PHF1: variants seen among roughly 807,000 people sequenced by gnomAD.
PHF1 encodes the protein PHD finger protein 1.
PHF1 carries 16 observed loss-of-function variants against 69.4 expected under a neutral mutation model. That is an observed-to-expected ratio of 0.23 (90% CI 0.16 to 0.35). The LOEUF (loss-of-function observed/expected upper bound fraction) is 0.35, where lower values mean the gene tolerates loss of function less well. Ranked by LOEUF, PHF1 falls within the 10% of genes least tolerant of loss-of-function variation. PHF1 has a pLI of 1.00. For missense variants in PHF1, 515 were observed against 732.8 expected (o/e 0.70, Z 3.43); for synonymous variants, 274 against 275.0 (o/e 1.00, Z 0.04).
rs530537499 is a variant in PHF1, at chr6:33,415,635, C to T, written c.1380C>T (p.Thr460=). 105 of 1,613,906 alleles carry T rather than the reference C, an allele frequency of 6.5e-5. No homozygotes were observed. Among genetic ancestry groups the T allele is most frequent in the South Asian group, 1.8e-4 (16 of 91,076 alleles). The change falls in exon 14 of 15, where the codon ACC becomes ACT. Residue 460 remains threonine, a synonymous_variant. Transcript: ENST00000374516. ...MFASFHPSAS[T]AGTSGDSGPP... ...CTTCCTTCCACCCTTCTGCCAGCAC[C>T]GCAGGGACCTCTGGGGACAGTGGAC...
Position 33,412,988 on chromosome 6 carries a change from G to A in PHF1, c.337+195G>A, listed in dbSNP as rs900503602. 4 of 677,974 alleles carry A rather than the reference G, an allele frequency of 5.9e-6. No individual in the cohort carries two copies. The highest frequency in any genetic ancestry group is 1.0e-5 in the Non-Finnish European group (4 of 388,544). 42.0% of individuals were successfully genotyped at this position (677,974 alleles called of 1,614,324 possible). A position where few individuals can be genotyped will look rare whatever the true frequency, so the allele number is the denominator to read the frequency against. ...GGTATAACCTTTGCAGGCAGAAGATGGTTTAAATGCATCCTTTTCTAACCA... is the reference window on the plus strand; with the variant it reads ...GGTATAACCTTTGCAGGCAGAAGATAGTTTAAATGCATCCTTTTCTAACCA... On this transcript the variant is annotated intron_variant, in intron 4 of 14. Coordinates refer to ENST00000374516, the MANE Select transcript of PHF1 (RefSeq NM_024165.3). The surrounding 1 kb of genome is among the most constrained non-coding windows in gnomAD (Gnocchi z 4.2).
At chr6:33,415,458 G>C in intron 13 of PHF1, 129 bp downstream of exon 13, 2 of 1,230,736 alleles carry the variant, frequency 1.6e-6, no homozygotes, top group Non-Finnish European at 2.4e-6. Flanking sequence ...CCGACTTCTA[G>C]AACTAGTGTC....
At position 33,415,018 on chromosome 6, in the gene PHF1, G is replaced by C; in HGVS notation, c.1113G>C (p.Pro371=). The C allele has an allele frequency of 6.4e-7, 1 of 1,574,138 alleles. No individual in the cohort carries two copies. The highest frequency in any genetic ancestry group is 8.6e-7 in the Non-Finnish European group (1 of 1,160,164). The part of the protein sequence containing the change: ...VSRPLGKRRR[P]EPEPLRRRQK... ...GTCCCCTGGGGAAGCGCCGGAGGCC[G>C]GAGCCAGAGCCCCTGAGGAGGAGGC... Residue 371 remains proline, a synonymous_variant, in exon 12 of 15, where the codon CCG becomes CCC. Transcript: ENST00000374516.
At chr6:33,413,596 T>A (rs371196414) in intron 6 of PHF1, 39 bp downstream of exon 6, 2 of 1,612,954 alleles carry the variant, frequency 1.2e-6, no homozygotes, top group Non-Finnish European at 1.7e-6. Context: ...GAATGAATGA[T>A]GTGGTGGTGG....
At chr6:33,413,047 G>T in intron 4 of PHF1, 149 bp from the exon 5 acceptor site, 2 of 791,614 alleles carry the variant, frequency 2.5e-6, no homozygotes, top group Non-Finnish European at 4.3e-6. Context: ...ACCTCTAGGA[G>T]CCTCAGTTCC....
Position 33,412,945 on chromosome 6 carries a change from G to A in PHF1, c.337+152G>A, listed in dbSNP as rs527370030. The A allele has an allele frequency of 9.6e-6, 7 of 730,106 alleles. No individual in the cohort carries two copies. Among genetic ancestry groups the A allele is most frequent in the African/African-American group, 5.3e-5 (3 of 56,940 alleles). 45.2% of individuals were successfully genotyped at this position (730,106 alleles called of 1,614,324 possible). ...TCATCCGCTTTCAGCCCAGGGAGAA[G>A]CAGCCATGGAAAGGGGTGGTATAAC... On this transcript the variant is annotated intron_variant, in intron 4 of 14. Transcript: ENST00000374516. The surrounding 1 kb of genome is among the most constrained non-coding windows in gnomAD (Gnocchi z 4.2).
chr6:33,415,644 C>A lies in PHF1; in HGVS notation c.1389C>A (p.Thr463=). The change falls in exon 14 of 15, where the codon ACC becomes ACA. Residue 463 remains threonine (T), a synonymous_variant. Transcript: ENST00000374516. ...ACCCTTCTGCCAGCACCGCAGGGACCTCTGGGGACAGTGGACCCCCAGACA... is the reference window on the plus strand; with the variant it reads ...ACCCTTCTGCCAGCACCGCAGGGACATCTGGGGACAGTGGACCCCCAGACA... The part of the protein sequence containing the change: ...SFHPSASTAG[T]SGDSGPPDRS... The A allele has an allele frequency of 6.2e-7, 1 of 1,614,048 alleles. No homozygotes were observed. Among genetic ancestry groups the A allele is most frequent in the Non-Finnish European group, 8.5e-7 (1 of 1,179,956 alleles).
Position 33,412,334 on chromosome 6 carries a change from C to A in PHF1, c.71C>A (p.Thr24Asn). ...SLWDPASPAP[T>N]SGPRPRLWEG... Reference sequence around the variant, plus strand: ...TGGGACCCAGCTTCTCCTGCTCCCACCTCTGGCCCCAGGCCTCGGCTTTGG... The same window carrying A: ...TGGGACCCAGCTTCTCCTGCTCCCAACTCTGGCCCCAGGCCTCGGCTTTGG... The change falls in exon 2 of 15, where the codon ACC becomes AAC. Residue 24 changes from threonine (T) to asparagine (N), a missense_variant. Coordinates refer to ENST00000374516, the MANE Select transcript of PHF1 (RefSeq NM_024165.3). The surrounding 1 kb of genome is among the most constrained non-coding windows in gnomAD (Gnocchi z 4.2). 1 of 1,614,218 alleles carries A rather than the reference C, an allele frequency of 6.2e-7. No individual in the cohort carries two copies. Among genetic ancestry groups the A allele is most frequent in the Non-Finnish European group, 8.5e-7 (1 of 1,180,024 alleles).
intron 13 of PHF1, 87 bp from the exon 14 acceptor site, chr6:33,415,503 G>A (rs1301185696): frequency 4.0e-5 from 57 of 1,408,906 alleles, no homozygotes; most frequent in South Asian, 3.5e-4. Flanking sequence ...GAGTCCCTTG[G>A]GGGTAGTGTT....
At chr6:33,413,646 C>T in intron 6 of PHF1, 89 bp downstream of exon 6, 1 of 1,598,094 alleles carries the variant, frequency 6.3e-7, no homozygotes, top group African/African-American at 1.3e-5. Context: ...ATGAGGGTAG[C>T]ACTCAGGGGG....
At chr6:33,415,692 C>G in intron 14 of PHF1, 22 bp downstream of exon 14, 1 of 1,611,902 alleles carries the variant, frequency 6.2e-7, no homozygotes, top group Non-Finnish European at 8.5e-7. Context: ...TCTTCTATTA[C>G]CAGTGATGCT....
rs765346344 is a variant in PHF1 at position 33,411,248 on chromosome 6, C to T, written c.-17+33C>T. 2.1e-3 allele frequency: 315 copies of T among 152,262 alleles called. 1 individual carries two copies. The highest frequency in any genetic ancestry group is 3.6e-3 in the Non-Finnish European group (244 of 68,074). 9.4% of individuals were successfully genotyped at this position (152,262 alleles called of 1,614,324 possible). ...GGCGGCAGGAGGCGCTGGTGGGGGG[C>T]AGGGAGCCGGGGGTCGGCGCGGGGC... On this transcript the variant is annotated intron_variant, in intron 1 of 14. Transcript: ENST00000374516.
At chr6:33,411,471 G>A (rs1209588383) in intron 1 of PHF1, among the ~76,000 whole-genome samples, 3 of 152,228 alleles carry the variant, frequency 2.0e-5, no homozygotes, top group African/African-American at 7.2e-5. Flanking sequence ...GCACCAGGAT[G>A]ATTGTTCTTA....
In PHF1 at chr6:33,412,312, G is replaced by C. The variant is rs1776131803; in HGVS notation, c.49G>C (p.Asp17His). ...CCGCTCTGGTGCCTCCTCACTTTGG[G>C]ACCCAGCTTCTCCTGCTCCCACCTC... ...LSRSGASSLW[D>H]PASPAPTSGP... The change falls in exon 2 of 15, where the codon GAC becomes CAC. Residue 17 changes from aspartate (D) to histidine (H), a missense_variant. Asp to His is a moderately conservative substitution (Grantham distance 81). Coordinates refer to ENST00000374516, the MANE Select transcript of PHF1 (RefSeq NM_024165.3). The surrounding 1 kb of genome is among the most constrained non-coding windows in gnomAD (Gnocchi z 4.2). 6.2e-7 allele frequency: 1 copy of C among 1,614,072 alleles called. No homozygotes were observed. The highest frequency in any genetic ancestry group is 1.3e-5 in the African/African-American group (1 of 74,934).
rs1038229384 is a variant in PHF1, at chr6:33,416,335, T to A, written c.*237T>A. 6.3e-5 allele frequency: 30 copies of A among 473,826 alleles called. No individual in the cohort carries two copies. The highest frequency in any genetic ancestry group is 4.4e-4 in the South Asian group (9 of 20,280). The allele number at this position is 473,826 out of a possible 1,614,324, so 29.4% of individuals were successfully genotyped here. ...TTGATGTTATTTTGTTACAGCTTTT[T>A]AAATATTTTTTAAAATTATTTAACC... On this transcript the variant is annotated 3_prime_UTR_variant, in exon 15 of 15. Transcript: ENST00000374516.
chr6:33,413,249 G>T lies in PHF1; in HGVS notation c.391G>T (p.Gly131Cys). 6.2e-7 allele frequency: 1 copy of T among 1,614,136 alleles called. No individual in the cohort carries two copies. The highest frequency in any genetic ancestry group is 1.1e-5 in the South Asian group (1 of 91,078). ...GGCTCCAGCCCCTGGAGAGGGAGAGGGCACATCCTGGGTATGCCGCCAGTG... is the reference window on the plus strand; with the variant it reads ...GGCTCCAGCCCCTGGAGAGGGAGAGTGCACATCCTGGGTATGCCGCCAGTG... ...PRAPAPGEGEGTSWVCRQCVF... is the reference protein window; with the variant it reads ...PRAPAPGEGECTSWVCRQCVF... The change falls in exon 5 of 15, where the codon GGC becomes TGC. Residue 131 changes from glycine (G) to cysteine (C), a missense_variant. By Grantham distance (159) the Gly-to-Cys change is radical. Transcript: ENST00000374516.
upstream of PHF1, chr6:33,410,983 GTCCCTCCCCTCCC>G (rs1370006596): frequency 2.1e-5 from 2 of 94,968 alleles, no homozygotes; most frequent in African/African-American, 8.5e-5. Flanking sequence ...CAACCGGTCC[GTCCCTCCCCTCCC>G]TCCCTCCCCC....
Position 33,414,964 on chromosome 6 carries a change from A to G in PHF1, c.1059A>G (p.Ser353=). 3 of 1,534,836 alleles carry G rather than the reference A, an allele frequency of 2.0e-6. No homozygotes were observed. The highest frequency in any genetic ancestry group is 2.6e-6 in the Non-Finnish European group (3 of 1,139,828). The change falls in exon 12 of 15, where the codon TCA becomes TCG. Residue 353 remains serine (S), a synonymous_variant. Coordinates refer to ENST00000374516, the MANE Select transcript of PHF1 (RefSeq NM_024165.3). This position sits in a 1 kb window ranked among gnomAD's most constrained non-coding sequence, Gnocchi z 5.0. ...TGDGALTSFP[S]GQGPGGGVSR... is the part of the protein sequence containing the mutation. ...AGGAGGCCTCTTACAGCTTCCCTTC[A>G]GGGCAGGGCCCTGGGGGAGGGGTCT...
Position 33,416,398 on chromosome 6 carries a change from A to T in PHF1, c.*300A>T, listed in dbSNP as rs1776480020. ...GACTGAGGAGGGAGGATGATAAGGG[A>T]TCCCGGACTCTGTATGATTGAAATA... On this transcript the variant is annotated 3_prime_UTR_variant, in exon 15 of 15. Coordinates refer to ENST00000374516, the MANE Select transcript of PHF1 (RefSeq NM_024165.3). 7.6e-6 allele frequency: 4 copies of T among 523,880 alleles called. No homozygotes were observed. The highest frequency in any genetic ancestry group is 5.7e-5 in the African/African-American group (3 of 52,742). 32.5% of individuals were successfully genotyped at this position (523,880 alleles called of 1,614,324 possible). A position where few individuals can be genotyped will look rare whatever the true frequency, so the allele number is the denominator to read the frequency against.
Sources: allele counts gnomAD v4.1 joint callset (sites outside exome capture counted in the v4.1 genomes callset), GRCh38; gene constraint gnomAD v4.1.1; non-coding constraint Gnocchi (gnomAD v3.1); transcripts MANE v1.5; gene names NCBI Gene and HGNC (gene_info 2026-07-23, HGNC 2026-07-21).